EPS15: variants seen among roughly 807,000 people sequenced by gnomAD.
The protein encoded by EPS15 is epidermal growth factor receptor pathway substrate 15.
In EPS15, 72 loss-of-function variants were observed where a neutral mutation model predicts 113.8. That is an observed-to-expected ratio of 0.63 (90% CI 0.52 to 0.77). The LOEUF (loss-of-function observed/expected upper bound fraction) is 0.77. Ranked by LOEUF, EPS15 falls within the 30% of genes least tolerant of loss-of-function variation. EPS15 has a pLI of 0.00. For missense variants in EPS15, 1,048 were observed against 1,045.8 expected, an observed-to-expected ratio of 1.00 and a Z score of -0.03; for synonymous variants, 344 against 363.4, an observed-to-expected ratio of 0.95 and a Z score of 0.61.
intron 9 of EPS15, among the ~76,000 whole-genome samples, chr1:51,447,665 G>A (rs2148482855): frequency 6.6e-6 from 1 of 152,202 alleles, no homozygotes; most frequent in Non-Finnish European, 1.5e-5. Flanking sequence ...AATTATGCCA[G>A]GGCAAACATG....
chr1:51,402,173 T>G (rs534344117), intron 18 of EPS15, among the ~76,000 whole-genome samples: 1 of 150,904 alleles, frequency 6.6e-6, no homozygotes, highest in African/African-American at 2.4e-5. Context: ...AATACACACA[T>G]ACATACATAC....
intron 21 of EPS15, chr1:51,372,852 G>A (rs1646692487): frequency 6.1e-6 from 4 of 653,418 alleles, no homozygotes; most frequent in Non-Finnish European, 4.7e-6. Context: ...CATGGTTTGA[G>A]GAGGCTGAAC....
At chr1:51,490,076 C>A (rs1371395671) in intron 1 of EPS15, among the ~76,000 whole-genome samples, 1 of 152,038 alleles carries the variant, frequency 6.6e-6, no homozygotes, top group Non-Finnish European at 1.5e-5. Context: ...TAAAAAAGAT[C>A]CCAGTTACTA....
chr1:51,456,551 G>C (rs1654010785), intron 8 of EPS15, among the ~76,000 whole-genome samples: 1 of 151,900 alleles, frequency 6.6e-6, no homozygotes, highest in Admixed American at 6.6e-5. Flanking sequence ...TAGGCCAAAA[G>C]GACTGATCAT....
At position 51,406,193 on chromosome 1, in the gene EPS15, G is replaced by A. The variant is rs569552719; in HGVS notation, c.1474-85C>T. 6.9e-5 allele frequency: 79 copies of A among 1,145,624 alleles called. No homozygotes were observed. The South Asian group carries it at 9.2e-4, about 13-fold the overall frequency. 71.0% of individuals were successfully genotyped at this position (1,145,624 alleles called of 1,614,324 possible). A position where few individuals can be genotyped will look rare whatever the true frequency, so the allele number is the denominator to read the frequency against. ...AAAACGCCCTCCTCCACTTCCTGAC[G>A]GGCTAGGTGTGGTAGCTCATGCCTA... On this transcript the variant is annotated intron_variant, in intron 15 of 24. Transcript: ENST00000371733.
At chr1:51,444,372 T>C (rs139184073) in intron 11 of EPS15, among the ~76,000 whole-genome samples, 1 of 152,274 alleles carries the variant, frequency 6.6e-6, no homozygotes, top group Non-Finnish European at 1.5e-5. Flanking sequence ...AAATATGAAG[T>C]TCAGTGGTAT....
intron 2 of EPS15, among the ~76,000 whole-genome samples, chr1:51,476,192 T>C (rs910662234): frequency 6.6e-6 from 1 of 152,210 alleles, no homozygotes; most frequent in African/African-American, 2.4e-5. Flanking sequence ...GTGGAACCAT[T>C]TTTGGTTCCA....
intron 12 of EPS15, among the ~76,000 whole-genome samples, chr1:51,435,196 T>C (rs997936732): frequency 6.6e-6 from 1 of 152,122 alleles, no homozygotes; most frequent in African/African-American, 2.4e-5. Context: ...TTTTTCTTTT[T>C]TCTTTTTTTG....
chr1:51,508,300 GAGAA>G (rs59675523), intron 1 of EPS15, among the ~76,000 whole-genome samples: 16 of 127,716 alleles, frequency 1.3e-4, no homozygotes, highest in East Asian at 4.1e-4. Flanking sequence ...AAGAGAGAGA[GAGAA>G]AGAGAGAAAG....
At chr1:51,490,700 G>T (rs1207750489) in intron 1 of EPS15, among the ~76,000 whole-genome samples, 2 of 152,046 alleles carry the variant, frequency 1.3e-5, no homozygotes, top group East Asian at 3.8e-4. Context: ...ATAAAATGGA[G>T]AGGGGAGTGG....
chr1:51,462,613 G>C (rs976595242), intron 7 of EPS15, among the ~76,000 whole-genome samples: 1 of 152,034 alleles, frequency 6.6e-6, no homozygotes, highest in Non-Finnish European at 1.5e-5. Context: ...TCAGGCAGGA[G>C]AGATAGAAAA....
At chr1:51,374,301 A>T (rs1318594003) in intron 21 of EPS15, among the ~76,000 whole-genome samples, 1 of 152,170 alleles carries the variant, frequency 6.6e-6, no homozygotes. Context: ...TGGAAAAATA[A>T]TTTTTATAAA....
At position 51,427,108 on chromosome 1, in the gene EPS15, G is replaced by A. The variant is rs1570279086; in HGVS notation, c.1041-5250C>T. Among the ~76,000 whole-genome samples the A allele has an allele frequency of 4.6e-5, 7 of 152,052 alleles. No individual in the cohort carries two copies. The South Asian group carries it at 1.5e-3, about 32-fold the overall frequency. ...ATAATAAAACCTGTATCTCACAACT[G>A]CATACAGGATTACATAACTTATGCC... On this transcript the variant is annotated intron_variant, in intron 12 of 24. Transcript: ENST00000371733.
intron 22 of EPS15, among the ~76,000 whole-genome samples, chr1:51,365,076 C>A (rs1322206856): frequency 1.3e-5 from 2 of 152,200 alleles, no homozygotes; most frequent in Non-Finnish European, 2.9e-5. Flanking sequence ...AGACAATCCA[C>A]CTGCCTTGGC....
chr1:51,512,579 T>G (rs1644641551), intron 1 of EPS15, among the ~76,000 whole-genome samples: 1 of 151,134 alleles, frequency 6.6e-6, no homozygotes, highest in Admixed American at 6.6e-5. Context: ...TACAAATCAG[T>G]GAGAAAGAAG....
At position 51,354,566 on chromosome 1, in the gene EPS15, TA is replaced by T. The variant is rs1393312221; in HGVS notation, c.*2133del. The T allele has an allele frequency of 5.3e-6, 1 of 189,234 alleles. No individual in the cohort carries two copies. Among genetic ancestry groups the T allele is most frequent in the Non-Finnish European group, 1.1e-5 (1 of 89,946 alleles). The allele number at this position is 189,234 out of a possible 1,614,324, so 11.7% of individuals were successfully genotyped here. A position where few individuals can be genotyped will look rare whatever the true frequency, so the allele number is the denominator to read the frequency against. ...TAGAAGACATTTAAAACTTTGTAAGTAGTGCCACTTAGCTCTGGGCAATACT... is the reference window on the plus strand; with the variant it reads ...TAGAAGACATTTAAAACTTTGTAAGTGTGCCACTTAGCTCTGGGCAATACT... On this transcript the variant is annotated 3_prime_UTR_variant, in exon 25 of 25. Transcript: ENST00000371733.
intron 13 of EPS15, among the ~76,000 whole-genome samples, chr1:51,419,647 T>C (rs2148446803): frequency 6.6e-6 from 1 of 152,226 alleles, no homozygotes; most frequent in Admixed American, 6.5e-5. Context: ...TACACTCTCT[T>C]TGATTCTGCC....
chr1:51,442,823 A>G (rs1306282069), intron 11 of EPS15, among the ~76,000 whole-genome samples: 2 of 152,168 alleles, frequency 1.3e-5, no homozygotes, highest in African/African-American at 2.4e-5. Flanking sequence ...TAACCTTGAG[A>G]GAGAGTAGAG....
intron 1 of EPS15, among the ~76,000 whole-genome samples, chr1:51,490,613 A>G (rs569828165): frequency 1.3e-5 from 2 of 151,358 alleles, no homozygotes; most frequent in African/African-American, 4.9e-5. Flanking sequence ...TAAAGAGACA[A>G]CCTCTAAAAC....
Sources: gnomAD v4.1 joint callset for allele counts (sites outside exome capture counted in the v4.1 genomes callset) on GRCh38, gnomAD v4.1.1 for gene constraint, MANE v1.5 for transcripts, NCBI Gene and HGNC (gene_info 2026-07-23, HGNC 2026-07-21) for gene names.